The following TCF4 variants were observed in gnomAD, a reference collection of about 807,000 sequenced individuals.
TCF4 encodes the protein transcription factor 4, also known as SL3-3 enhancer factor 2.
A neutral mutation model predicts 82.1 loss-of-function variants in TCF4; 3 were observed. That is an observed-to-expected ratio of 0.04 (90% CI 0.02 to 0.09). The LOEUF is 0.09. Among genes scored for constraint, TCF4 ranks in the 10% least tolerant of loss-of-function variants. The pLI is 1.00. For missense variants in TCF4, 518 were observed against 852.7 expected (o/e 0.61, Z 4.89); for synonymous variants, 276 against 309.6 (o/e 0.89, Z 1.14).
intron 3 of TCF4, among the ~76,000 whole-genome samples, chr18:55,512,963 T>C (rs894855833): frequency 1.3e-5 from 2 of 152,136 alleles, no homozygotes; most frequent in Admixed American, 6.5e-5. Flanking sequence ...AGAAAGGCAA[T>C]GACCTTCAGG....
At chr18:55,565,377 AC>A (rs2097395584) in intron 3 of TCF4, among the ~76,000 whole-genome samples, 1 of 152,192 alleles carries the variant, frequency 6.6e-6, no homozygotes, top group Non-Finnish European at 1.5e-5. Flanking sequence ...AAAAAATAAA[AC>A]AAAACTTGAG....
chr18:55,242,829 C>T (rs1036873071), intron 15 of TCF4, among the ~76,000 whole-genome samples: 2 of 152,094 alleles, frequency 1.3e-5, no homozygotes, highest in South Asian at 2.1e-4. Context: ...AGGCTGGTCT[C>T]GAACTCCTGA....
chr18:55,632,687 G>A (rs535313394), intron 1 of TCF4, among the ~76,000 whole-genome samples: 2 of 152,334 alleles, frequency 1.3e-5, no homozygotes, highest in African/African-American at 4.8e-5. Context: ...TACTGCTGGA[G>A]GGTAACATCC....
At chr18:55,262,813 CT>C (rs1400478398) in intron 11 of TCF4, among the ~76,000 whole-genome samples, 3 of 152,006 alleles carry the variant, frequency 2.0e-5, no homozygotes, top group Non-Finnish European at 4.4e-5. Context: ...GATGAGTTTT[CT>C]TTTTTGTTTT....
intron 8 of TCF4, among the ~76,000 whole-genome samples, chr18:55,324,634 A>C (rs1268603774): frequency 1.3e-5 from 2 of 152,156 alleles, no homozygotes; most frequent in Non-Finnish European, 2.9e-5. Flanking sequence ...TAACTGGACA[A>C]GTTACCTTGC....
rs1354189542 is a variant in TCF4 at position 55,224,956 on chromosome 18, T to C, written c.*3079A>G. 1 of 152,250 alleles carries C rather than the reference T, an allele frequency of 6.6e-6. No individual in the cohort carries two copies. The highest frequency in any genetic ancestry group is 1.5e-5 in the Non-Finnish European group (1 of 68,024). 9.4% of individuals were successfully genotyped at this position (152,250 alleles called of 1,614,324 possible). On this transcript the variant is annotated 3_prime_UTR_variant, in exon 20 of 20. Coordinates refer to ENST00000354452, the MANE Select transcript of TCF4 (RefSeq NM_001083962.2). The stretch of plus-strand genomic sequence containing the variant: ...CTTTTGAAATTTTTGTATAGTACTT[T>C]AATCTTAACTGTCTTCTGCTGAACT...
chr18:55,542,063 C>T (rs2097169102), intron 3 of TCF4, among the ~76,000 whole-genome samples: 2 of 151,812 alleles, frequency 1.3e-5, no homozygotes. Context: ...AGAGTAAGTC[C>T]AGTAATTGTG....
intron 3 of TCF4, among the ~76,000 whole-genome samples, chr18:55,517,803 G>A (rs529407895): frequency 1.3e-5 from 2 of 152,198 alleles, no homozygotes; most frequent in African/African-American, 2.4e-5. Flanking sequence ...GTAAAGCAAT[G>A]GTGACTCCTC....
intron 6 of TCF4, among the ~76,000 whole-genome samples, chr18:55,379,605 C>T (rs752534940): frequency 2.0e-5 from 3 of 152,078 alleles, no homozygotes; most frequent in African/African-American, 4.8e-5. Flanking sequence ...CCAGGAACAA[C>T]GAACATTTCA....
chr18:55,457,062 C>A (rs896549346), intron 5 of TCF4, among the ~76,000 whole-genome samples: 1 of 152,192 alleles, frequency 6.6e-6, no homozygotes, highest in African/African-American at 2.4e-5. Context: ...CGAGTGAGTT[C>A]TTAGTAAATG....
intron 15 of TCF4, among the ~76,000 whole-genome samples, chr18:55,245,763 G>C (rs2052904802): frequency 6.6e-6 from 1 of 151,002 alleles, no homozygotes; most frequent in Non-Finnish European, 1.5e-5. Context: ...ATCTTCTCCG[G>C]GAAGCTTTTC....
At chr18:55,628,402 T>C (rs2097728620) in intron 2 of TCF4, among the ~76,000 whole-genome samples, 1 of 152,200 alleles carries the variant, frequency 6.6e-6, no homozygotes, top group East Asian at 1.9e-4. Flanking sequence ...AGGCTGAATT[T>C]GACAGAATTT....
intron 8 of TCF4, among the ~76,000 whole-genome samples, chr18:55,303,882 A>G (rs577049643): frequency 1.7e-4 from 26 of 152,336 alleles, no homozygotes; most frequent in African/African-American, 5.5e-4. Context: ...AAGCAGGACA[A>G]AATAAATCCA....
intron 5 of TCF4, among the ~76,000 whole-genome samples, chr18:55,419,280 G>A (rs1301648766): frequency 6.6e-6 from 1 of 152,154 alleles, no homozygotes; most frequent in Non-Finnish European, 1.5e-5. Context: ...CTGGAAGAAA[G>A]CTTATGGACT....
At chr18:55,336,003 A>T (rs538574740) in intron 8 of TCF4, among the ~76,000 whole-genome samples, 9 of 152,186 alleles carry the variant, frequency 5.9e-5, no homozygotes, top group African/African-American at 1.9e-4. Context: ...AAGGAAAAAA[A>T]AAAGCCAGTT....
intron 3 of TCF4, among the ~76,000 whole-genome samples, chr18:55,539,624 C>T (rs988921078): frequency 6.6e-6 from 1 of 152,126 alleles, no homozygotes; most frequent in Non-Finnish European, 1.5e-5. Context: ...AACTTATCCA[C>T]TGTGGACAAG....
At position 55,633,190 on chromosome 18, in the gene TCF4, A is replaced by G. The variant is rs1345256677; in HGVS notation, c.196-1802T>C. Among the ~76,000 whole-genome samples the G allele has an allele frequency of 6.6e-6, 1 of 152,180 alleles. No individual in the cohort carries two copies. The highest frequency in any genetic ancestry group is 1.5e-5 in the Non-Finnish European group (1 of 68,024). ...GGCTTACGGTCTGTTCTGAGGTTTG[A>G]GCCAAGATGTGGACTGGGCCTGCAA... On this transcript the variant is annotated intron_variant, in intron 1 of 20. Transcript: ENST00000398339. This position sits in a 1 kb window ranked among gnomAD's most constrained non-coding sequence, Gnocchi z 4.0.
intron 5 of TCF4, among the ~76,000 whole-genome samples, chr18:55,439,451 T>C (rs997311583): frequency 6.2e-4 from 94 of 152,136 alleles, no homozygotes; most frequent in African/African-American, 2.1e-3. Context: ...AGAGGTGGGG[T>C]TGCTTATATG....
intron 6 of TCF4, among the ~76,000 whole-genome samples, chr18:55,375,217 T>C (rs923644494): frequency 6.6e-6 from 1 of 151,444 alleles, no homozygotes; most frequent in Non-Finnish European, 1.5e-5. Flanking sequence ...AATATAAAAA[T>C]TTAAATAAAA....
Sources: allele counts gnomAD v4.1 joint callset (sites outside exome capture counted in the v4.1 genomes callset), GRCh38; gene constraint gnomAD v4.1.1; non-coding constraint Gnocchi (gnomAD v3.1); transcripts MANE v1.5; gene names NCBI Gene and HGNC (gene_info 2026-07-23, HGNC 2026-07-21).